Variants in MTMR3 observed in about 807,000 individuals in gnomAD.
MTMR3 encodes the protein myotubularin related protein 3, also known as phosphatidylinositol-3,5-bisphosphate 3-phosphatase MTMR3.
A neutral mutation model predicts 132.4 loss-of-function variants in MTMR3; 32 were observed. That is an observed-to-expected ratio of 0.24 (90% CI 0.18 to 0.32). MTMR3 has a LOEUF of 0.32. MTMR3 is among the 10% of genes least tolerant of loss of function. The pLI, the probability that MTMR3 is intolerant of heterozygous loss-of-function variation, is 1.00. For synonymous variants in MTMR3, 556 were observed against 550.3 expected, an observed-to-expected ratio of 1.01 and a Z score of -0.14; for missense variants, 1,216 against 1,489.6, an observed-to-expected ratio of 0.82 and a Z score of 3.02.
Position 30,026,877 on chromosome 22 carries a change from CTCT to C in MTMR3, c.*1081_*1083del, listed in dbSNP as rs2145993372. On this transcript the variant is annotated 3_prime_UTR_variant, in exon 20 of 20. Coordinates refer to ENST00000401950, the MANE Select transcript of MTMR3 (RefSeq NM_021090.4). ...CCATACAATCAGCCTTTCTCCTCTTCTCTTCTTGGGACAGGAATAACTGCTGAG... is the reference window on the plus strand; with the variant it reads ...CCATACAATCAGCCTTTCTCCTCTTCTCTTGGGACAGGAATAACTGCTGAG... 1 of 152,964 alleles carries C rather than the reference CTCT, an allele frequency of 6.5e-6. No individual in the cohort carries two copies. Among genetic ancestry groups the C allele is most frequent in the African/African-American group, 2.4e-5 (1 of 41,588 alleles). The allele number at this position is 152,964 out of a possible 1,614,324, so 9.5% of individuals were successfully genotyped here.
At chr22:29,902,062 A>C (rs1337908115) in intron 1 of MTMR3, among the ~76,000 whole-genome samples, 2 of 152,160 alleles carry the variant, frequency 1.3e-5, no homozygotes, top group South Asian at 4.1e-4. Flanking sequence ...TTATGGTTTA[A>C]AAAAATATGG....
chr22:30,007,368 AC>A, intron 10 of MTMR3, 49 bp downstream of exon 10: 1 of 1,565,782 alleles, frequency 6.4e-7, no homozygotes, highest in Non-Finnish European at 8.8e-7. Context: ...GCATCTAAGA[AC>A]CTTTTCTTGA....
chr22:30,020,122 T>G lies in MTMR3; in HGVS notation c.2463T>G (p.Gly821=). ...CAGTAGATGCAAAAGTTGGCTATGGTACCTCACAGTCATGTTCTCTGCTAC... is the reference window on the plus strand; with the variant it reads ...CAGTAGATGCAAAAGTTGGCTATGGGACCTCACAGTCATGTTCTCTGCTAC... ...PIPVDAKVGY[G]TSQSCSLLPS... is the part of the protein sequence containing the mutation. The change falls in exon 17 of 20, where the codon GGT becomes GGG. Residue 821 remains glycine, a synonymous_variant. Transcript: ENST00000401950. The G allele has an allele frequency of 6.2e-7, 1 of 1,614,218 alleles. No homozygotes were observed. Among genetic ancestry groups the G allele is most frequent in the African/African-American group, 1.3e-5 (1 of 75,056 alleles).
intron 5 of MTMR3, 88 bp from the exon 6 acceptor site, chr22:29,988,392 C>T (rs572812745): frequency 1.3e-4 from 120 of 911,498 alleles, no homozygotes; most frequent in Admixed American, 1.3e-3. Flanking sequence ...CCTTATAGAT[C>T]TTTTTAATTA....
In MTMR3 at chr22:30,020,233, T is replaced by C. The variant is rs1168972364; in HGVS notation, c.2574T>C (p.Ser858=). 1.2e-6 allele frequency: 2 copies of C among 1,614,060 alleles called. No individual in the cohort carries two copies. The highest frequency in any genetic ancestry group is 1.7e-5 in the Admixed American group (1 of 60,002). The change falls in exon 17 of 20, where the codon AGT becomes AGC. Residue 858 remains serine, a synonymous_variant. Coordinates refer to ENST00000401950, the MANE Select transcript of MTMR3 (RefSeq NM_021090.4). The part of the protein sequence containing the change: ...MLVEDKVKSV[S]GPQGHHRSCL... ...TGGAAGATAAGGTGAAGTCAGTAAG[T>C]GGGCCCCAAGGTCATCATAGATCTT...
At chr22:29,974,324 A>G (rs563555802) in intron 3 of MTMR3, among the ~76,000 whole-genome samples, 1 of 152,214 alleles carries the variant, frequency 6.6e-6, no homozygotes, top group Admixed American at 6.5e-5. Flanking sequence ...TTCAACTGCT[A>G]AATTCAACTG....
In MTMR3 at chr22:30,020,336, C is replaced by T. The variant is rs2067712849; in HGVS notation, c.2677C>T (p.Pro893Ser). ...TTCAGAGACAAGCCTGGTCGAGAGG[C>T]CCCAAGTGGGGTCTGTGGTGCATAG... ...SPSETSLVER[P>S]QVGSVVHRTS... Residue 893 changes from proline to serine, a missense_variant, in exon 17 of 20, where the codon CCC becomes TCC. By Grantham distance (74) the Pro-to-Ser change is moderately conservative. This residue lies in a region of MTMR3 where 852 missense variants were observed against 852.0 expected (regional missense o/e 1.00). Transcript: ENST00000401950. 6.2e-7 allele frequency: 1 copy of T among 1,614,072 alleles called. No homozygotes were observed. Among genetic ancestry groups the T allele is most frequent in the African/African-American group, 1.3e-5 (1 of 74,916 alleles).
chr22:29,967,242 C>T (rs1329315159), intron 2 of MTMR3, among the ~76,000 whole-genome samples: 5 of 146,612 alleles, frequency 3.4e-5, no homozygotes, highest in African/African-American at 1.0e-4. Context: ...TGCATGCGCG[C>T]GCGCGCGCAT....
intron 5 of MTMR3, chr22:29,984,975 A>G (rs2066827727): frequency 6.6e-6 from 1 of 152,204 alleles, no homozygotes; most frequent in Non-Finnish European, 1.5e-5. Flanking sequence ...ATTAGCTTAT[A>G]GTGTAGTAGT....
chr22:29,967,963 T>TGGA (rs2066462085), intron 2 of MTMR3, among the ~76,000 whole-genome samples: 1 of 152,064 alleles, frequency 6.6e-6, no homozygotes, highest in Non-Finnish European at 1.5e-5. Flanking sequence ...TGTTTGTTTA[T>TGGA]CCATTCACAT....
chr22:30,030,506 A>G lies in MTMR3; in HGVS notation c.*4705A>G, dbSNP rs1268523342. The G allele has an allele frequency of 6.6e-6, 1 of 152,160 alleles. No individual in the cohort carries two copies. Among genetic ancestry groups the G allele is most frequent in the East Asian group, 1.9e-4 (1 of 5,324 alleles). 9.4% of individuals were successfully genotyped at this position (152,160 alleles called of 1,614,324 possible). Reference sequence around the variant, plus strand: ...GAATAAATCTGTCATTTTCACCCACAAACAGTTGTTGAGCCCCTGGATTTG... The same window carrying G: ...GAATAAATCTGTCATTTTCACCCACGAACAGTTGTTGAGCCCCTGGATTTG... On this transcript the variant is annotated 3_prime_UTR_variant, in exon 20 of 20. Transcript: ENST00000401950.
At chr22:30,003,119 G>C (rs1354150418) in intron 9 of MTMR3, 126 bp downstream of exon 9, 1 of 663,126 alleles carries the variant, frequency 1.5e-6, no homozygotes, top group Non-Finnish European at 2.7e-6. Flanking sequence ...AGGCAAGGCT[G>C]TACTTCCTTA....
intron 1 of MTMR3, among the ~76,000 whole-genome samples, chr22:29,919,306 G>A (rs548738753): frequency 6.6e-6 from 1 of 152,174 alleles, no homozygotes; most frequent in East Asian, 1.9e-4. Context: ...ATACTTAAAA[G>A]TAAATGACAT....
At chr22:30,025,534 C>T in intron 19 of MTMR3, 96 bp from the exon 20 acceptor site, 4 of 1,337,034 alleles carry the variant, frequency 3.0e-6, no homozygotes, top group Non-Finnish European at 4.2e-6. Context: ...CCAGCACATG[C>T]AAATTACACA....
chr22:30,011,241 GA>G (rs1220043692), intron 12 of MTMR3: 2 of 152,150 alleles, frequency 1.3e-5, no homozygotes, highest in Non-Finnish European at 2.9e-5. Context: ...TCACATTTGG[GA>G]AAAATCAACT....
chr22:29,941,348 G>A (rs1025230149), intron 1 of MTMR3, among the ~76,000 whole-genome samples: 8 of 152,172 alleles, frequency 5.3e-5, no homozygotes, highest in African/African-American at 1.9e-4. Context: ...GGGCTGTTAT[G>A]AGTAAGGTTG....
At chr22:29,963,866 A>G (rs572101759) in intron 2 of MTMR3, among the ~76,000 whole-genome samples, 101 of 152,066 alleles carry the variant, frequency 6.6e-4, no homozygotes, top group African/African-American at 2.3e-3. Context: ...AGAGGAATGA[A>G]GTACTAATAC....
chr22:30,028,789 T>A lies in MTMR3; in HGVS notation c.*2988T>A, dbSNP rs1346078917. 1 of 152,388 alleles carries A rather than the reference T, an allele frequency of 6.6e-6. No individual in the cohort carries two copies. The highest frequency in any genetic ancestry group is 1.5e-5 in the Non-Finnish European group (1 of 68,046). The allele number at this position is 152,388 out of a possible 1,614,324, so 9.4% of individuals were successfully genotyped here. A position where few individuals can be genotyped will look rare whatever the true frequency, so the allele number is the denominator to read the frequency against. ...CTGGTTCTAGTGTGAAAGCCGTAAG[T>A]GCCACCCAGCAGGCGTTTGAAAACA... On this transcript the variant is annotated 3_prime_UTR_variant, in exon 20 of 20. Transcript: ENST00000401950.
chr22:29,920,981 TG>T (rs150260217), intron 1 of MTMR3, among the ~76,000 whole-genome samples: 4 of 81,100 alleles, frequency 4.9e-5, no homozygotes, highest in Non-Finnish European at 8.6e-5. Flanking sequence ...TAGGGGGTGG[TG>T]GGGGTGGCGG....
Sources: gnomAD v4.1 joint callset for allele counts (sites outside exome capture counted in the v4.1 genomes callset) on GRCh38, gnomAD v4.1.1 for gene constraint, gnomAD v4.1.1 regional missense constraint, MANE v1.5 for transcripts, NCBI Gene and HGNC (gene_info 2026-07-23, HGNC 2026-07-21) for gene names.